The following XRCC4 variants were observed in gnomAD, a reference collection of about 807,000 sequenced individuals.
The protein encoded by XRCC4 is DNA repair protein XRCC4.
In XRCC4, 28 loss-of-function variants were observed where a neutral mutation model predicts 39.1. That is an observed-to-expected ratio of 0.72 (90% CI 0.53 to 0.98). XRCC4 has a LOEUF of 0.98. Among genes scored for constraint, XRCC4 ranks in the 50% least tolerant of loss-of-function variants. The pLI, the probability that XRCC4 is intolerant of heterozygous loss-of-function variation, is 0.00. For missense variants in XRCC4, 350 were observed against 376.4 expected, an observed-to-expected ratio of 0.93 and a Z score of 0.58; for synonymous variants, 123 against 126.4, an observed-to-expected ratio of 0.97 and a Z score of 0.18.
intron 6 of XRCC4, among the ~76,000 whole-genome samples, chr5:83,244,908 A>G (rs893381297): frequency 6.6e-6 from 1 of 152,198 alleles, no homozygotes; most frequent in Non-Finnish European, 1.5e-5. Context: ...ATTAAATTCA[A>G]CTTCTTAGAA....
intron 7 of XRCC4, among the ~76,000 whole-genome samples, chr5:83,260,687 A>G (rs1033658330): frequency 1.3e-5 from 2 of 152,112 alleles, no homozygotes; most frequent in African/African-American, 4.8e-5. Context: ...TAGCTTTTTA[A>G]TAAAGATAAT....
intron 7 of XRCC4, among the ~76,000 whole-genome samples, chr5:83,284,383 C>A (rs1031967209): frequency 2.0e-5 from 3 of 152,056 alleles, no homozygotes; most frequent in African/African-American, 7.2e-5. Context: ...GTTAATCTTT[C>A]AGATGTGTAT....
chr5:83,225,485 C>G (rs942303821), intron 6 of XRCC4, among the ~76,000 whole-genome samples: 2 of 151,086 alleles, frequency 1.3e-5, no homozygotes, highest in African/African-American at 4.9e-5. Flanking sequence ...TTTCTGTGTT[C>G]TCCGGTTATT....
intron 1 of XRCC4, among the ~76,000 whole-genome samples, chr5:83,083,194 A>G (rs1219478949): frequency 1.3e-5 from 2 of 152,042 alleles, no homozygotes; most frequent in Non-Finnish European, 2.9e-5. Context: ...TATGTATTAC[A>G]TATTTGTTAC....
chr5:83,229,282 C>T (rs1399699419), intron 6 of XRCC4, among the ~76,000 whole-genome samples: 1 of 152,012 alleles, frequency 6.6e-6, no homozygotes, highest in African/African-American at 2.4e-5. Flanking sequence ...ATGATCCTCT[C>T]AGGCATTGTG....
At chr5:83,141,685 A>G (rs778881214) in intron 3 of XRCC4, among the ~76,000 whole-genome samples, 32 of 151,430 alleles carry the variant, frequency 2.1e-4, no homozygotes, top group Non-Finnish European at 2.4e-4. Context: ...AAATTTGAAG[A>G]TGTTGAAAAT....
At position 83,168,114 on chromosome 5, in the gene XRCC4, A is replaced by G. The variant is rs542995069; in HGVS notation, c.316-27656A>G. On this transcript the variant is annotated intron_variant, in intron 3 of 7. Transcript: ENST00000396027. ...AAACTCTACAGTTAAAAGATTCTAGATTCTATAAAAAGCAAAATCCAACTG... is the reference window on the plus strand; with the variant it reads ...AAACTCTACAGTTAAAAGATTCTAGGTTCTATAAAAAGCAAAATCCAACTG... Among the ~76,000 whole-genome samples, 29 of 152,328 alleles carry G rather than the reference A, an allele frequency of 1.9e-4. No homozygotes were observed. The South Asian group carries it at 2.9e-3, about 15-fold the overall frequency.
At chr5:83,303,267 C>T (rs1389448924) in intron 7 of XRCC4, among the ~76,000 whole-genome samples, 1 of 147,424 alleles carries the variant, frequency 6.8e-6, no homozygotes, top group Non-Finnish European at 1.5e-5. Flanking sequence ...ATCTAAAGTA[C>T]TCTATATTAA....
chr5:83,181,617 A>T (rs1328985340), intron 3 of XRCC4, among the ~76,000 whole-genome samples: 1 of 152,232 alleles, frequency 6.6e-6, no homozygotes, highest in African/African-American at 2.4e-5. Context: ...AAACTAAACC[A>T]GAGTAGGTAC....
chr5:83,225,735 T>C (rs1381276807), intron 6 of XRCC4, among the ~76,000 whole-genome samples: 2 of 151,808 alleles, frequency 1.3e-5, no homozygotes, highest in South Asian at 4.2e-4. Flanking sequence ...AATTCCCCAC[T>C]GTAAGTTCAT....
chr5:83,110,474 T>C (rs559419862), intron 2 of XRCC4, among the ~76,000 whole-genome samples: 1 of 152,166 alleles, frequency 6.6e-6, no homozygotes, highest in East Asian at 1.9e-4. Flanking sequence ...TAGTATAGTA[T>C]GTGTTGCAGA....
chr5:83,108,890 A>G (rs1746323512), intron 2 of XRCC4, among the ~76,000 whole-genome samples: 1 of 149,726 alleles, frequency 6.7e-6, no homozygotes, highest in Non-Finnish European at 1.5e-5. Flanking sequence ...AGGGCATTTG[A>G]AAGATCAATA....
At chr5:83,143,004 T>A (rs984680893) in intron 3 of XRCC4, among the ~76,000 whole-genome samples, 4 of 152,170 alleles carry the variant, frequency 2.6e-5, no homozygotes, top group Non-Finnish European at 5.9e-5. Flanking sequence ...ATATAGGTGT[T>A]CCTTTACACT....
chr5:83,350,609 TG>T (rs1231346972), intron 7 of XRCC4, among the ~76,000 whole-genome samples: 1 of 152,150 alleles, frequency 6.6e-6, no homozygotes, highest in Non-Finnish European at 1.5e-5. Flanking sequence ...CATTTATTAA[TG>T]GGGTGATTTG....
At position 83,229,543 on chromosome 5, in the gene XRCC4, GA is replaced by G. The variant is rs564340013; in HGVS notation, c.745+24629del. On this transcript the variant is annotated intron_variant, in intron 6 of 7. Transcript: ENST00000396027. The stretch of plus-strand genomic sequence containing the variant: ...TTTCCAGTGGTTCTTATTTTGGGGG[GA>G]AAAAAAGGTTAAAATTGAGTAGAAA... Among the ~76,000 whole-genome samples the G allele has an allele frequency of 4.7e-3, 711 of 150,556 alleles. 10 individuals are homozygous for G. The highest frequency in any genetic ancestry group is 0.029 in the Admixed American group (442 of 15,050).
intron 1 of XRCC4, among the ~76,000 whole-genome samples, chr5:83,083,375 A>ATT (rs576959639): frequency 0.41 from 51,621 of 126,600 alleles, 11,195 homozygotes; most frequent in South Asian, 0.51. Flanking sequence ...TGAATCTGTA[A>ATT]TTTTTTTTTT....
At chr5:83,228,144 A>G (rs990270210) in intron 6 of XRCC4, among the ~76,000 whole-genome samples, 3 of 152,096 alleles carry the variant, frequency 2.0e-5, no homozygotes, top group African/African-American at 4.8e-5. Context: ...CTAGGTATCT[A>G]TATTTTAAAA....
intron 7 of XRCC4, among the ~76,000 whole-genome samples, chr5:83,324,505 A>G (rs1222799695): frequency 6.6e-6 from 1 of 152,150 alleles, no homozygotes; most frequent in African/African-American, 2.4e-5. Flanking sequence ...CCTTGTCAAT[A>G]GATGTAAGAG....
chr5:83,363,853 ACC>A, the XRCC4 span, among the ~76,000 whole-genome samples: 5 of 152,126 alleles, frequency 3.3e-5, no homozygotes, highest in South Asian at 1.0e-3. Context: ...GCTCCTGTAT[ACC>A]TTGAAAGTAA....
Sources: gnomAD v4.1 joint callset for allele counts (sites outside exome capture counted in the v4.1 genomes callset) on GRCh38, gnomAD v4.1.1 for gene constraint, MANE v1.5 for transcripts, NCBI Gene and HGNC (gene_info 2026-07-23, HGNC 2026-07-21) for gene names.